STK38: variants seen among roughly 807,000 people sequenced by gnomAD.
STK38 encodes the protein serine/threonine-protein kinase 38.
Under a neutral mutation model 59.0 loss-of-function variants are expected in STK38, and 26 were observed. The ratio of observed to expected loss-of-function variants is 0.44; its 90% confidence interval spans 0.32 to 0.61. STK38 has a LOEUF of 0.61. Among genes scored for constraint, STK38 ranks in the 20% least tolerant of loss-of-function variants. STK38 has a pLI of 0.04. For synonymous variants in STK38, 175 were observed against 176.6 expected, an observed-to-expected ratio of 0.99 and a Z score of 0.07; for missense variants, 433 against 566.0, an observed-to-expected ratio of 0.76 and a Z score of 2.38.
chr6:36,545,273 A>G, intron 1 of STK38, among the ~76,000 whole-genome samples: 1 of 121,692 alleles, frequency 8.2e-6, no homozygotes. Context: ...AGCCTGGGTG[A>G]GTGAGACTCC....
At chr6:36,538,180 T>TGTAGTCCCA (rs1385316488) in intron 2 of STK38, among the ~76,000 whole-genome samples, 1 of 152,036 alleles carries the variant, frequency 6.6e-6, no homozygotes, top group African/African-American at 2.4e-5. Flanking sequence ...GGCAAGCGCC[T>TGTAGTCCCA]GTAGTCCCAG....
At chr6:36,527,229 T>TATATATATATAC (rs1156752985) in intron 2 of STK38, among the ~76,000 whole-genome samples, 1 of 142,602 alleles carries the variant, frequency 7.0e-6, no homozygotes, top group Admixed American at 7.2e-5. Context: ...TATATATATA[T>TATATATATATAC]TTATATGTAT....
At chr6:36,499,100 A>G (rs749705555) in intron 10 of STK38, among the ~76,000 whole-genome samples, 11 of 152,226 alleles carry the variant, frequency 7.2e-5, no homozygotes, top group Non-Finnish European at 1.5e-4. Context: ...ACATAAATAG[A>G]GTTGCAGGTG....
chr6:36,514,680 C>T lies in STK38; in HGVS notation c.669+658G>A, dbSNP rs141446460. Among the ~76,000 whole-genome samples, 4 of 152,040 alleles carry T rather than the reference C, an allele frequency of 2.6e-5. No homozygotes were observed. The East Asian group carries it at 7.7e-4, about 29-fold the overall frequency. The stretch of plus-strand genomic sequence containing the variant: ...CTGCATGTCTAAAAATAAAAATAAA[C>T]AGGCCATTTAAGAGGCTGGGCAGGG... On this transcript the variant is annotated intron_variant, in intron 7 of 13. Coordinates refer to ENST00000229812, the MANE Select transcript of STK38 (RefSeq NM_007271.4).
At chr6:36,528,201 G>A (rs1159470713) in intron 2 of STK38, among the ~76,000 whole-genome samples, 2 of 152,124 alleles carry the variant, frequency 1.3e-5, no homozygotes, top group African/African-American at 4.8e-5. Flanking sequence ...ACACCAAGAA[G>A]GTTGGATCTC....
intron 7 of STK38, 87 bp downstream of exon 7, chr6:36,515,251 T>C (rs1342200839): frequency 1.4e-6 from 2 of 1,471,628 alleles, no homozygotes; most frequent in Non-Finnish European, 1.8e-6. Context: ...GCTCGCCCAC[T>C]GGGATGACCA....
Position 36,494,542 on chromosome 6 carries a change from G to A in STK38, c.*1242C>T, listed in dbSNP as rs993109921. 6.6e-6 allele frequency: 1 copy of A among 152,636 alleles called. No homozygotes were observed. The highest frequency in any genetic ancestry group is 1.5e-5 in the Non-Finnish European group (1 of 68,044). 9.5% of individuals were successfully genotyped at this position (152,636 alleles called of 1,614,324 possible). On this transcript the variant is annotated 3_prime_UTR_variant, in exon 14 of 14. Transcript: ENST00000229812. ...AGGCACTTTGTGCTAAAATTCAGAG[G>A]GTCTCTCAAGAGAGAACGCCACAGC...
intron 2 of STK38, among the ~76,000 whole-genome samples, chr6:36,526,228 T>G (rs549513476): frequency 7.9e-5 from 12 of 151,626 alleles, no homozygotes; most frequent in South Asian, 2.1e-4. Flanking sequence ...GTGTTTTTTT[T>G]TTTTTTTTTT....
At chr6:36,506,444 A>G (rs968028171) in intron 9 of STK38, 139 bp downstream of exon 9, 2 of 842,566 alleles carry the variant, frequency 2.4e-6, no homozygotes, top group African/African-American at 3.5e-5. Context: ...CTACCAACCT[A>G]ACAACAGCAC....
At chr6:36,520,220 T>A (rs115418590) in intron 5 of STK38, among the ~76,000 whole-genome samples, 1 of 152,264 alleles carries the variant, frequency 6.6e-6, no homozygotes, top group African/African-American at 2.4e-5. Flanking sequence ...TAAGTTAATG[T>A]ACCATTTAAT....
At chr6:36,511,388 G>A (rs902273331) in intron 7 of STK38, among the ~76,000 whole-genome samples, 1 of 150,262 alleles carries the variant, frequency 6.7e-6, no homozygotes, top group Non-Finnish European at 1.5e-5. Flanking sequence ...ACAGAGTCTC[G>A]CTCTGTTACC....
At chr6:36,518,131 T>C (rs1777299096) in intron 5 of STK38, among the ~76,000 whole-genome samples, 1 of 152,222 alleles carries the variant, frequency 6.6e-6, no homozygotes, top group Non-Finnish European at 1.5e-5. Context: ...GAATCTCTGA[T>C]TAGTTAAAAT....
At chr6:36,535,543 C>T (rs940898568) in intron 2 of STK38, among the ~76,000 whole-genome samples, 2 of 152,004 alleles carry the variant, frequency 1.3e-5, no homozygotes, top group Middle Eastern at 3.2e-3. Flanking sequence ...GTTAAGATGT[C>T]GATTCTCCAC....
intron 1 of STK38, among the ~76,000 whole-genome samples, chr6:36,546,129 T>C (rs892082000): frequency 2.0e-5 from 3 of 152,248 alleles, no homozygotes; most frequent in Non-Finnish European, 4.4e-5. Flanking sequence ...CTGTAATCTC[T>C]ACCTACACTA....
intron 2 of STK38, 111 bp downstream of exon 2, chr6:36,539,961 C>G (rs1777892096): frequency 2.6e-6 from 4 of 1,510,590 alleles, no homozygotes; most frequent in Non-Finnish European, 3.5e-6. Flanking sequence ...TTATGATAGT[C>G]TATAATAAGG....
At chr6:36,520,075 C>G (rs1777344565) in intron 5 of STK38, among the ~76,000 whole-genome samples, 1 of 152,192 alleles carries the variant, frequency 6.6e-6, no homozygotes, top group African/African-American at 2.4e-5. Context: ...CATCTTTTAT[C>G]TAGCACAAAA....
chr6:36,527,207 A>AAAAATATATATAT lies in STK38; in HGVS notation c.132-1566_132-1565insATATATATATTTT, dbSNP rs60162863. On this transcript the variant is annotated intron_variant, in intron 2 of 13. Transcript: ENST00000229812. ...ACTCCGTCTCAAAAAAAAAAAAAAA[A>AAAAATATATATAT]ATATATGTATATATATATATATTTA... Among the ~76,000 whole-genome samples, 13 of 119,344 alleles carry AAAAATATATATAT rather than the reference A, an allele frequency of 1.1e-4. No individual in the cohort carries two copies. The East Asian group carries it at 1.2e-3, about 11-fold the overall frequency. The allele number at this position is 119,344 out of a possible 152,430, so 78.3% of individuals were successfully genotyped here.
At chr6:36,523,667 G>A (rs1777438212) in intron 4 of STK38, among the ~76,000 whole-genome samples, 2 of 152,140 alleles carry the variant, frequency 1.3e-5, no homozygotes, top group Non-Finnish European at 2.9e-5. Flanking sequence ...GACCTTGCAT[G>A]GGCTCTTTCA....
At chr6:36,512,817 C>A (rs1777145840) in intron 7 of STK38, among the ~76,000 whole-genome samples, 1 of 151,940 alleles carries the variant, frequency 6.6e-6, no homozygotes, top group South Asian at 2.1e-4. Flanking sequence ...CGTGCCACCA[C>A]ACCCAGCTAA....
Sources: gnomAD v4.1 joint callset for allele counts (sites outside exome capture counted in the v4.1 genomes callset) on GRCh38, gnomAD v4.1.1 for gene constraint, MANE v1.5 for transcripts, NCBI Gene and HGNC (gene_info 2026-07-23, HGNC 2026-07-21) for gene names.